CHODL: variants seen among roughly 807,000 people sequenced by gnomAD.
CHODL encodes transmembrane protein MT75.
Under a neutral mutation model 34.5 loss-of-function variants are expected in CHODL, and 29 were observed. The observed-to-expected ratio is 0.84, with a 90% CI of 0.63 to 1.15. The LOEUF (loss-of-function observed/expected upper bound fraction) is 1.15. Among genes scored for constraint, CHODL ranks in the 50% most tolerant of loss-of-function variants. The pLI is 0.00. For synonymous variants in CHODL, 125 were observed against 116.1 expected, an observed-to-expected ratio of 1.08 and a Z score of -0.49; for missense variants, 332 against 332.5, an observed-to-expected ratio of 1.00 and a Z score of 0.01.
chr21:18,109,785 G>T (rs2065324428), intron 2 of CHODL, among the ~76,000 whole-genome samples: 4 of 152,126 alleles, frequency 2.6e-5, no homozygotes, highest in Admixed American at 2.6e-4. Flanking sequence ...GGAGGAGGAA[G>T]ATAAAATAAG....
chr21:18,253,389 C>T lies in CHODL; in HGVS notation c.80-3120C>T, dbSNP rs1253183835. The stretch of plus-strand genomic sequence containing the variant: ...AGGGAAATTTAATATTTCAAAAGTG[C>T]TGGGATAAAATCCAAGGCAGAAAGT... On this transcript the variant is annotated intron_variant, in intron 1 of 5. Coordinates refer to ENST00000299295, the MANE Select transcript of CHODL (RefSeq NM_024944.3). 4.0e-5 allele frequency among the ~76,000 whole-genome samples: 6 copies of T among 151,828 alleles called. No homozygotes were observed. In the East Asian group the frequency reaches 1.2e-3, roughly 29 times the overall value.
At chr21:18,157,158 C>A (rs1266446330) in intron 2 of CHODL, among the ~76,000 whole-genome samples, 1 of 152,206 alleles carries the variant, frequency 6.6e-6, no homozygotes, top group African/African-American at 2.4e-5. Flanking sequence ...TGTTCATATA[C>A]ACCTCTCAGT....
intron 1 of CHODL, among the ~76,000 whole-genome samples, chr21:18,017,237 A>G (rs1282584752): frequency 6.6e-6 from 1 of 152,092 alleles, no homozygotes; most frequent in African/African-American, 2.4e-5. Flanking sequence ...CTGTGTCCCT[A>G]CTCAAATCTC....
At chr21:18,205,277 T>G (rs2073699344) in intron 2 of CHODL, among the ~76,000 whole-genome samples, 1 of 152,186 alleles carries the variant, frequency 6.6e-6, no homozygotes, top group Non-Finnish European at 1.5e-5. Context: ...ACCCAGTTTT[T>G]CAGTTTTTAT....
chr21:17,991,140 T>C (rs1223745997), intron 1 of CHODL, among the ~76,000 whole-genome samples: 1 of 152,158 alleles, frequency 6.6e-6, no homozygotes, highest in Non-Finnish European at 1.5e-5. Context: ...AGAATTTCTT[T>C]CTTTTCCATG....
At chr21:17,964,576 A>T (rs1238162422) in intron 1 of CHODL, among the ~76,000 whole-genome samples, 1 of 152,158 alleles carries the variant, frequency 6.6e-6, no homozygotes, top group Non-Finnish European at 1.5e-5. Context: ...GTTCCAGTAT[A>T]TTTCAGTATT....
chr21:18,120,502 T>C (rs945936251), intron 2 of CHODL, among the ~76,000 whole-genome samples: 3 of 152,148 alleles, frequency 2.0e-5, no homozygotes, highest in Non-Finnish European at 4.4e-5. Context: ...GTTTTACCTT[T>C]CCCTTTTCAG....
chr21:18,088,512 TG>T (rs1231582238), intron 2 of CHODL, among the ~76,000 whole-genome samples: 3 of 152,200 alleles, frequency 2.0e-5, no homozygotes, highest in Non-Finnish European at 4.4e-5. Context: ...TCAGACCCAG[TG>T]GGTCAAGGGT....
At chr21:17,999,942 A>G (rs1245353901) in intron 1 of CHODL, among the ~76,000 whole-genome samples, 1 of 152,206 alleles carries the variant, frequency 6.6e-6, no homozygotes, top group Non-Finnish European at 1.5e-5. Flanking sequence ...TTTTTAAATC[A>G]TGCTCAAGAT....
At chr21:17,952,291 C>T (rs2063465138) in intron 1 of CHODL, among the ~76,000 whole-genome samples, 1 of 151,092 alleles carries the variant, frequency 6.6e-6, no homozygotes, top group African/African-American at 2.4e-5. Flanking sequence ...TTAGGTACTT[C>T]ATGATCAAAA....
intron 2 of CHODL, among the ~76,000 whole-genome samples, chr21:18,172,419 C>T (rs550161719): frequency 2.0e-5 from 3 of 152,084 alleles, no homozygotes; most frequent in Non-Finnish European, 4.4e-5. Flanking sequence ...CTCTTTTGCC[C>T]CAATCAGTGG....
rs145946690 is a variant in CHODL at position 18,022,834 on chromosome 21, G to A, written c.-144-5038G>A. ...TCTAAACTCCAATGAGCATTATCTT[G>A]TTTAGTCTTCACAATAAACAGAGAC... On this transcript the variant is annotated intron_variant, in intron 1 of 6. Coordinates refer to the CHODL transcript ENST00000400127. Among the ~76,000 whole-genome samples the A allele has an allele frequency of 6.3e-4, 96 of 152,270 alleles. 1 individual carries two copies. The highest frequency in any genetic ancestry group is 2.2e-3 in the African/African-American group (92 of 41,534).
intron 2 of CHODL, among the ~76,000 whole-genome samples, chr21:18,183,793 G>A (rs112834643): frequency 4.2e-4 from 57 of 136,382 alleles, no homozygotes; most frequent in African/African-American, 1.7e-3. Flanking sequence ...AGTAAGGTTG[G>A]AACTCTGTGT....
chr21:18,073,208 T>C (rs1383860438), intron 2 of CHODL, among the ~76,000 whole-genome samples: 1 of 152,150 alleles, frequency 6.6e-6, no homozygotes, highest in Non-Finnish European at 1.5e-5. Context: ...CGTTAGCAAC[T>C]TTAATCTGGA....
chr21:18,009,347 A>G (rs1285750606), intron 1 of CHODL, among the ~76,000 whole-genome samples: 2 of 152,210 alleles, frequency 1.3e-5, no homozygotes, highest in African/African-American at 2.4e-5. Context: ...AACGAAAAAT[A>G]AAACAAAGAA....
chr21:18,194,924 A>G (rs772406093), intron 2 of CHODL, among the ~76,000 whole-genome samples: 3 of 152,170 alleles, frequency 2.0e-5, no homozygotes, highest in Non-Finnish European at 4.4e-5. Flanking sequence ...TTAAGTTAAC[A>G]TATGCATTAC....
At chr21:18,120,593 T>G (rs569536208) in intron 2 of CHODL, among the ~76,000 whole-genome samples, 19 of 152,290 alleles carry the variant, frequency 1.2e-4, no homozygotes, top group African/African-American at 4.3e-4. Flanking sequence ...AACCTGTTTA[T>G]TGTTTATATC....
chr21:18,155,327 C>A (rs978219020), intron 2 of CHODL, among the ~76,000 whole-genome samples: 1 of 152,186 alleles, frequency 6.6e-6, no homozygotes. Flanking sequence ...CTTGAAAGAA[C>A]CTGTCCTTGC....
intron 2 of CHODL, among the ~76,000 whole-genome samples, chr21:18,159,079 A>G (rs1486467600): frequency 6.6e-6 from 1 of 152,160 alleles, no homozygotes; most frequent in Non-Finnish European, 1.5e-5. Flanking sequence ...TGGTTCTTAA[A>G]TGCAGACACT....
Sources: allele counts gnomAD v4.1 joint callset (sites outside exome capture counted in the v4.1 genomes callset), GRCh38; gene constraint gnomAD v4.1.1; transcripts MANE v1.5; gene names NCBI Gene and HGNC (gene_info 2026-07-23, HGNC 2026-07-21).